Variants in CYRIB observed in about 807,000 individuals in gnomAD.
CYRIB encodes CYFIP related Rac1 interactor B.
In CYRIB, 8 loss-of-function variants were observed where a neutral mutation model predicts 44.2. The ratio of observed to expected loss-of-function variants is 0.18; its 90% CI spans 0.11 to 0.33. The LOEUF is 0.33. CYRIB is among the 10% of genes least tolerant of loss of function. The pLI is 1.00. For missense variants in CYRIB, 185 were observed against 382.8 expected (o/e 0.48, Z 4.31); for synonymous variants, 131 against 127.2 (o/e 1.03, Z -0.20).
intron 2 of CYRIB, among the ~76,000 whole-genome samples, chr8:129,957,399 T>A (rs1486735376): frequency 6.6e-6 from 1 of 152,200 alleles, no homozygotes; most frequent in Non-Finnish European, 1.5e-5. Flanking sequence ...CAGCACACAA[T>A]GTGGTAGAAA....
chr8:129,884,667 A>G (rs141908945), intron 2 of CYRIB, among the ~76,000 whole-genome samples: 1 of 152,340 alleles, frequency 6.6e-6, no homozygotes, highest in East Asian at 1.9e-4. Flanking sequence ...AGAATAATAA[A>G]CTAAGTCTTA....
chr8:129,910,542 A>C (rs1452821058), intron 1 of CYRIB, among the ~76,000 whole-genome samples: 1 of 145,560 alleles, frequency 6.9e-6, no homozygotes, highest in East Asian at 2.0e-4. Context: ...TCCTGCCTAT[A>C]ATTCCAACGC....
chr8:129,885,448 A>G (rs7825122), intron 2 of CYRIB, among the ~76,000 whole-genome samples: 8,690 of 152,252 alleles, frequency 0.057, 830 homozygotes, highest in African/African-American at 0.19. Flanking sequence ...GTGAGAAGGA[A>G]GGGGAAGAAA....
intron 1 of CYRIB, among the ~76,000 whole-genome samples, chr8:129,930,079 C>T (rs896981751): frequency 6.6e-6 from 1 of 151,550 alleles, no homozygotes; most frequent in Non-Finnish European, 1.5e-5. Context: ...GGCGTGGTGG[C>T]GCATGCCTGT....
chr8:129,951,043 G>C (rs866205945), intron 2 of CYRIB, among the ~76,000 whole-genome samples: 1 of 152,292 alleles, frequency 6.6e-6, no homozygotes, highest in South Asian at 2.1e-4. Context: ...GGTGGCTCAC[G>C]CCTATAATCC....
upstream of CYRIB, chr8:130,016,972 C>T (rs1232617776): frequency 6.6e-6 from 1 of 152,330 alleles, no homozygotes; most frequent in Admixed American, 6.5e-5. Context: ...GGTCTCCAGA[C>T]CTTCAGGCCG....
chr8:129,946,259 TC>T (rs144866418), intron 2 of CYRIB, among the ~76,000 whole-genome samples: 3,972 of 152,316 alleles, frequency 0.026, 167 homozygotes, highest in African/African-American at 0.087. Context: ...CTGCCAGCCT[TC>T]ACTCAAAGAC....
upstream of CYRIB, among the ~76,000 whole-genome samples, chr8:129,941,720 GT>G: frequency 6.6e-6 from 1 of 152,286 alleles, no homozygotes; most frequent in East Asian, 1.9e-4. Context: ...AGGAGGAGGA[GT>G]TCATACATGT....
At chr8:130,003,590 T>C (rs1025677702) in intron 1 of CYRIB, among the ~76,000 whole-genome samples, 5 of 152,230 alleles carry the variant, frequency 3.3e-5, no homozygotes, top group Admixed American at 1.3e-4. Context: ...AGATCCATAA[T>C]GCATGCGAGG....
intron 2 of CYRIB, among the ~76,000 whole-genome samples, chr8:129,967,227 G>T (rs62524567): frequency 2.0e-5 from 3 of 152,116 alleles, no homozygotes; most frequent in Non-Finnish European, 4.4e-5. Context: ...TCCAAACTCC[G>T]TGTTCAGTGG....
chr8:129,935,522 A>C (rs1423385395), intron 1 of CYRIB, among the ~76,000 whole-genome samples: 1 of 152,196 alleles, frequency 6.6e-6, no homozygotes, highest in Non-Finnish European at 1.5e-5. Context: ...CAGGAGGCAG[A>C]CCTCAGGGAG....
intron 3 of CYRIB, 117 bp from the exon 6 acceptor site, chr8:129,871,613 T>C: frequency 9.7e-7 from 1 of 1,034,276 alleles, no homozygotes; most frequent in East Asian, 2.7e-5. Context: ...CTAGTTAATG[T>C]TAACTTTGAA....
intron 1 of CYRIB, among the ~76,000 whole-genome samples, chr8:129,903,579 C>T (rs2073533735): frequency 6.6e-6 from 1 of 152,132 alleles, no homozygotes; most frequent in Non-Finnish European, 1.5e-5. Context: ...ATAGGTAAGA[C>T]AACCCAGTTG....
At chr8:129,955,836 A>G (rs2094794884) in intron 2 of CYRIB, among the ~76,000 whole-genome samples, 1 of 152,124 alleles carries the variant, frequency 6.6e-6, no homozygotes, top group Non-Finnish European at 1.5e-5. Flanking sequence ...AAATAAACTC[A>G]CCCTCAATTT....
At chr8:129,974,066 G>A (rs2095821639) in intron 1 of CYRIB, among the ~76,000 whole-genome samples, 1 of 152,074 alleles carries the variant, frequency 6.6e-6, no homozygotes, top group Non-Finnish European at 1.5e-5. Context: ...GCACTGCCCA[G>A]AACCCACCCA....
intron 2 of CYRIB, among the ~76,000 whole-genome samples, chr8:129,902,578 G>A (rs2072824094): frequency 6.6e-6 from 1 of 152,258 alleles, no homozygotes; most frequent in East Asian, 1.9e-4. Context: ...GTGCAGTGAT[G>A]CAATCTTGGC....
chr8:129,951,567 G>A (rs571053024), intron 2 of CYRIB, among the ~76,000 whole-genome samples: 28 of 151,898 alleles, frequency 1.8e-4, no homozygotes, highest in Non-Finnish European at 3.5e-4. Context: ...TTAGCTGGCC[G>A]TGGTGGCACG....
upstream of CYRIB, chr8:130,016,501 G>A (rs946011375): frequency 8.3e-5 from 13 of 156,846 alleles, no homozygotes; most frequent in African/African-American, 2.4e-4. Context: ...AGCTGCCCCC[G>A]CCGCGGCGGC....
intron 1 of CYRIB, among the ~76,000 whole-genome samples, chr8:129,907,151 G>C (rs535647947): frequency 6.6e-6 from 1 of 152,182 alleles, no homozygotes; most frequent in Admixed American, 6.5e-5. Context: ...ACATGCACAC[G>C]TATGTTTATT....
Sources: allele counts gnomAD v4.1 joint callset (sites outside exome capture counted in the v4.1 genomes callset), GRCh38; gene constraint gnomAD v4.1.1; transcripts MANE v1.5; gene names NCBI Gene and HGNC (gene_info 2026-07-23, HGNC 2026-07-21).